Variants in CTNNA3 observed in about 807,000 individuals in gnomAD.
CTNNA3 encodes the protein catenin alpha 3, also known as catenin alpha-3.
CTNNA3 carries 76 observed loss-of-function variants against 95.7 expected under a neutral mutation model. That is an observed-to-expected ratio of 0.79 (90% CI 0.66 to 0.96). The LOEUF (loss-of-function observed/expected upper bound fraction) is 0.96. Among genes scored for constraint, CTNNA3 ranks in the 40% least tolerant of loss-of-function variants. CTNNA3 has a pLI of 0.00. For missense variants in CTNNA3, 1,191 were observed against 1,089.8 expected (o/e 1.09, Z -1.31); for synonymous variants, 431 against 374.4 (o/e 1.15, Z -1.74).
intron 13 of CTNNA3, among the ~76,000 whole-genome samples, chr10:66,230,977 A>G (rs1321936702): frequency 1.3e-5 from 2 of 152,104 alleles, no homozygotes; most frequent in Non-Finnish European, 1.5e-5. Flanking sequence ...TGCAGGGGCT[A>G]TTGGGCCCCA....
At chr10:66,980,180 C>T (rs1008607836) in intron 7 of CTNNA3, among the ~76,000 whole-genome samples, 8 of 152,132 alleles carry the variant, frequency 5.3e-5, no homozygotes, top group Non-Finnish European at 8.8e-5. Flanking sequence ...ATGTCAGGTG[C>T]TTTAACTGAC....
chr10:67,527,549 C>T (rs1179318242), intron 4 of CTNNA3, among the ~76,000 whole-genome samples: 1 of 152,218 alleles, frequency 6.6e-6, no homozygotes, highest in East Asian at 1.9e-4. Context: ...AAAGTTTCCC[C>T]TGGATGAATG....
At chr10:66,255,536 G>A (rs12416501) in intron 13 of CTNNA3, among the ~76,000 whole-genome samples, 26,573 of 151,984 alleles carry the variant, frequency 0.17, 2,567 homozygotes, top group Admixed American at 0.26. Context: ...ACCCGATTCT[G>A]ATGTCTTAGA....
chr10:67,433,407 A>T (rs970280219), intron 5 of CTNNA3, among the ~76,000 whole-genome samples: 2 of 152,070 alleles, frequency 1.3e-5, no homozygotes, highest in Non-Finnish European at 2.9e-5. Context: ...ATAATGAAAA[A>T]TTTTGAAATA....
At chr10:66,723,254 A>G (rs1172132071) in intron 9 of CTNNA3, among the ~76,000 whole-genome samples, 2 of 152,152 alleles carry the variant, frequency 1.3e-5, no homozygotes, top group Admixed American at 1.3e-4. Flanking sequence ...TTCTAGTAAC[A>G]TATGTTTTCT....
intron 5 of CTNNA3, among the ~76,000 whole-genome samples, chr10:67,271,722 A>G (rs1838985433): frequency 6.6e-6 from 1 of 152,188 alleles, no homozygotes; most frequent in African/African-American, 2.4e-5. Context: ...GGAAAAAAAT[A>G]ATAGGCATCC....
chr10:67,248,377 C>A (rs563515298), intron 5 of CTNNA3, among the ~76,000 whole-genome samples: 1 of 152,180 alleles, frequency 6.6e-6, no homozygotes, highest in Non-Finnish European at 1.5e-5. Context: ...GGTGCTAGGG[C>A]AACTGGATTC....
intron 15 of CTNNA3, among the ~76,000 whole-genome samples, chr10:66,030,330 A>C (rs2079425809): frequency 6.6e-6 from 1 of 152,228 alleles, no homozygotes; most frequent in African/African-American, 2.4e-5. Flanking sequence ...ACAAGGCTAC[A>C]GTAACCAAAG....
chr10:66,111,396 A>G (rs145392134), intron 13 of CTNNA3, among the ~76,000 whole-genome samples: 242 of 152,320 alleles, frequency 1.6e-3, no homozygotes, highest in Non-Finnish European at 2.5e-3. Context: ...GTAGTGCTTT[A>G]TAGGAATGTG....
intron 5 of CTNNA3, among the ~76,000 whole-genome samples, chr10:67,283,753 G>A (rs548818265): frequency 6.6e-6 from 1 of 152,116 alleles, no homozygotes; most frequent in Non-Finnish European, 1.5e-5. Context: ...ACTTGTCTGG[G>A]TCTCTCACTC....
At chr10:66,598,328 G>GC (rs1843797537) in intron 10 of CTNNA3, among the ~76,000 whole-genome samples, 3 of 151,896 alleles carry the variant, frequency 2.0e-5, no homozygotes, top group Admixed American at 2.0e-4. Flanking sequence ...AAATTTGAAA[G>GC]CTTTTACTCT....
rs34018938 is a variant in CTNNA3 at position 66,871,562 on chromosome 10, CAAAAAAAA to C, written c.1048-96046_1048-96039del. 5.0e-4 allele frequency among the ~76,000 whole-genome samples: 48 copies of C among 96,440 alleles called. No individual in the cohort carries two copies. In the East Asian group the frequency reaches 0.011, roughly 22 times the overall value. The allele number at this position is 96,440 out of a possible 152,430, so 63.3% of individuals were successfully genotyped here. A position where few individuals can be genotyped will look rare whatever the true frequency, so the allele number is the denominator to read the frequency against. ...GGGCAACAAGAGTGAAACTCTGTCTCAAAAAAAAAAAAAAAAAAAAAAAAGTACTCAAC... is the reference window on the plus strand; with the variant it reads ...GGGCAACAAGAGTGAAACTCTGTCTCAAAAAAAAAAAAAAAAGTACTCAAC... On this transcript the variant is annotated intron_variant, in intron 7 of 17. Transcript: ENST00000433211.
At chr10:66,836,457 C>T (rs901260200) in intron 7 of CTNNA3, among the ~76,000 whole-genome samples, 7 of 152,100 alleles carry the variant, frequency 4.6e-5, no homozygotes, top group African/African-American at 7.2e-5. Context: ...GCTCCATTAT[C>T]CTGAGTATCC....
Position 66,933,511 on chromosome 10 carries a change from A to G in CTNNA3, c.1048-157987T>C, listed in dbSNP as rs141633031. Among the ~76,000 whole-genome samples the G allele has an allele frequency of 3.0e-3, 464 of 152,268 alleles. 10 individuals carry two copies. The East Asian group carries it at 0.053, about 17-fold the overall frequency. On this transcript the variant is annotated intron_variant, in intron 7 of 17. Transcript: ENST00000433211. The stretch of plus-strand genomic sequence containing the variant: ...TACACTGGATCAATATAATGTTTAT[A>G]TGGCAACATGACATCATTATTGAGC...
At chr10:67,754,231 G>A (rs763988431) in intron 1 of CTNNA3, among the ~76,000 whole-genome samples, 3 of 151,944 alleles carry the variant, frequency 2.0e-5, no homozygotes, top group South Asian at 2.1e-4. Flanking sequence ...ACCAAATACC[G>A]CATGTACAAG....
At chr10:66,940,862 C>A (rs1191554006) in intron 7 of CTNNA3, among the ~76,000 whole-genome samples, 3 of 151,992 alleles carry the variant, frequency 2.0e-5, no homozygotes, top group Non-Finnish European at 4.4e-5. Flanking sequence ...GGTAATATGA[C>A]AAAACAGATT....
intron 16 of CTNNA3, among the ~76,000 whole-genome samples, chr10:65,971,481 A>G (rs914211955): frequency 2.6e-5 from 4 of 151,724 alleles, no homozygotes; most frequent in Admixed American, 6.6e-5. Context: ...CAGAAGTTAT[A>G]AAAGTGACAT....
chr10:67,625,109 G>A (rs532530004), intron 2 of CTNNA3, among the ~76,000 whole-genome samples: 5 of 152,296 alleles, frequency 3.3e-5, no homozygotes, highest in African/African-American at 1.2e-4. Flanking sequence ...AAAAGGACTA[G>A]GAACCCGGAG....
chr10:66,653,883 G>A (rs7894876), intron 9 of CTNNA3, among the ~76,000 whole-genome samples: 100,296 of 151,874 alleles, frequency 0.66, 34,018 homozygotes, highest in East Asian at 0.95. Flanking sequence ...AATTTTGTTG[G>A]GGAAAATGGA....
Sources: gnomAD v4.1 joint callset for allele counts (sites outside exome capture counted in the v4.1 genomes callset) on GRCh38, gnomAD v4.1.1 for gene constraint, MANE v1.5 for transcripts, NCBI Gene and HGNC (gene_info 2026-07-23, HGNC 2026-07-21) for gene names.